GALNT13: variants seen among roughly 807,000 people sequenced by gnomAD.
GALNT13 encodes polypeptide N-acetylgalactosaminyltransferase 13.
In GALNT13, 28 loss-of-function variants were observed where a neutral mutation model predicts 64.2. The observed-to-expected ratio is 0.44, with a 90% CI of 0.32 to 0.60. GALNT13 has a LOEUF of 0.60. GALNT13 is among the 20% of genes least tolerant of loss of function. The pLI, the probability that GALNT13 is intolerant of heterozygous loss-of-function variation, is 0.05. For synonymous variants in GALNT13, 214 were observed against 224.6 expected, an observed-to-expected ratio of 0.95 and a Z score of 0.42; for missense variants, 577 against 669.8, an observed-to-expected ratio of 0.86 and a Z score of 1.53.
the GALNT13 span, among the ~76,000 whole-genome samples, chr2:153,641,471 C>G: frequency 2.0e-5 from 3 of 152,166 alleles, no homozygotes; most frequent in East Asian, 5.8e-4. Context: ...CTTCCTTTAA[C>G]CTGAAGGTAT....
chr2:153,394,288 T>G, the GALNT13 span, among the ~76,000 whole-genome samples: 1 of 152,142 alleles, frequency 6.6e-6, no homozygotes, highest in South Asian at 2.1e-4. Flanking sequence ...ATAACCTATA[T>G]TTTCTGGATA....
At chr2:154,311,355 C>A (rs1472957095) in intron 9 of GALNT13, among the ~76,000 whole-genome samples, 1 of 152,028 alleles carries the variant, frequency 6.6e-6, no homozygotes, top group South Asian at 2.1e-4. Flanking sequence ...AATTTTAAAG[C>A]TGGGCGTCCA....
chr2:153,246,735 T>G, the GALNT13 span, among the ~76,000 whole-genome samples: 1 of 152,138 alleles, frequency 6.6e-6, no homozygotes, highest in African/African-American at 2.4e-5. Context: ...AGAAACTGCA[T>G]CAACTAATGT....
intron 4 of GALNT13, among the ~76,000 whole-genome samples, chr2:154,237,054 A>G (rs2105859195): frequency 6.6e-6 from 1 of 152,148 alleles, no homozygotes; most frequent in East Asian, 1.9e-4. Flanking sequence ...AGAAATCATT[A>G]GTATTACTAA....
the GALNT13 span, among the ~76,000 whole-genome samples, chr2:153,623,235 C>T: frequency 6.6e-6 from 1 of 152,076 alleles, no homozygotes; most frequent in Non-Finnish European, 1.5e-5. Flanking sequence ...CTATTTCTGA[C>T]TCCTTTGACA....
chr2:153,826,565 C>T, the GALNT13 span, among the ~76,000 whole-genome samples: 2 of 152,192 alleles, frequency 1.3e-5, no homozygotes, highest in African/African-American at 4.8e-5. Flanking sequence ...AATTCTTATA[C>T]TTTAATCCTT....
At position 154,431,007 on chromosome 2, in the gene GALNT13, G is replaced by C. The variant is rs535794506; in HGVS notation, c.1396-7585G>C. On this transcript the variant is annotated intron_variant, in intron 11 of 12. Transcript: ENST00000392825. ...GTGTAAACATAACTCCTATGCACAG[G>C]GGAACAAAAAAATTCATGTGCCTTG... Among the ~76,000 whole-genome samples the C allele has an allele frequency of 2.2e-3, 332 of 152,144 alleles. 1 individual carries two copies. Among genetic ancestry groups the C allele is most frequent in the Non-Finnish European group, 4.0e-3 (274 of 67,998 alleles).
intron 4 of GALNT13, among the ~76,000 whole-genome samples, chr2:154,149,233 G>C (rs1274526656): frequency 2.0e-5 from 3 of 152,158 alleles, no homozygotes; most frequent in Non-Finnish European, 2.9e-5. Context: ...AGATCAGATA[G>C]TTGTAGATAT....
the GALNT13 span, among the ~76,000 whole-genome samples, chr2:153,301,160 T>C: frequency 6.6e-6 from 1 of 151,902 alleles, no homozygotes; most frequent in Non-Finnish European, 1.5e-5. Context: ...CATGCCACTG[T>C]ACTCCAGCCT....
At chr2:153,350,208 A>G in the GALNT13 span, among the ~76,000 whole-genome samples, 4 of 152,132 alleles carry the variant, frequency 2.6e-5, no homozygotes, top group African/African-American at 9.7e-5. Flanking sequence ...AAATAAATGG[A>G]AAGGATGATC....
chr2:153,964,736 A>G (rs1397156382), intron 3 of GALNT13, among the ~76,000 whole-genome samples: 1 of 152,012 alleles, frequency 6.6e-6, no homozygotes, highest in Non-Finnish European at 1.5e-5. Context: ...TATTCATTGT[A>G]GAAAAAAATA....
At chr2:153,399,783 G>A in the GALNT13 span, among the ~76,000 whole-genome samples, 7 of 151,924 alleles carry the variant, frequency 4.6e-5, no homozygotes, top group African/African-American at 1.2e-4. Context: ...TTGTATCCTG[G>A]GACTTTGCTG....
the GALNT13 span, among the ~76,000 whole-genome samples, chr2:153,277,599 C>G: frequency 6.6e-6 from 1 of 152,080 alleles, no homozygotes; most frequent in Non-Finnish European, 1.5e-5. Context: ...AATGGTCGTT[C>G]TGTTTTAAGG....
the GALNT13 span, among the ~76,000 whole-genome samples, chr2:153,722,917 C>G: frequency 6.6e-6 from 1 of 151,482 alleles, no homozygotes; most frequent in Admixed American, 6.6e-5. Context: ...CTATTCCAAT[C>G]AATAGAAAAA....
the GALNT13 span, among the ~76,000 whole-genome samples, chr2:153,521,823 T>C: frequency 6.6e-6 from 1 of 152,246 alleles, no homozygotes; most frequent in African/African-American, 2.4e-5. Context: ...CTCTTTCCCT[T>C]AGTAATATGC....
At chr2:153,246,106 G>GA in the GALNT13 span, among the ~76,000 whole-genome samples, 191 of 148,004 alleles carry the variant, frequency 1.3e-3, no homozygotes, top group Admixed American at 2.1e-3. Context: ...GAGAAAAAAG[G>GA]AAAAAAAAAA....
the GALNT13 span, among the ~76,000 whole-genome samples, chr2:153,363,472 A>G: frequency 2.9e-3 from 447 of 152,268 alleles, 1 homozygote; most frequent in African/African-American, 0.01. Flanking sequence ...AATTAACAAA[A>G]TAAATAGACC....
At chr2:153,590,849 A>G in the GALNT13 span, among the ~76,000 whole-genome samples, 2 of 152,150 alleles carry the variant, frequency 1.3e-5, no homozygotes, top group Non-Finnish European at 2.9e-5. Flanking sequence ...TGACAAACCC[A>G]CAGCCAATAT....
At chr2:153,184,422 A>G in the GALNT13 span, among the ~76,000 whole-genome samples, 1 of 152,316 alleles carries the variant, frequency 6.6e-6, no homozygotes, top group East Asian at 1.9e-4. Context: ...GCAAACAAAG[A>G]TAATTTGACT....
Sources: gnomAD v4.1 joint callset for allele counts (sites outside exome capture counted in the v4.1 genomes callset) on GRCh38, gnomAD v4.1.1 for gene constraint, MANE v1.5 for transcripts, NCBI Gene and HGNC (gene_info 2026-07-23, HGNC 2026-07-21) for gene names.